The following SYN3 variants were observed in gnomAD, a reference collection of about 807,000 sequenced individuals.
SYN3 encodes the protein synapsin III.
A neutral mutation model predicts 65.8 loss-of-function variants in SYN3; 35 were observed. The ratio of observed to expected loss-of-function variants is 0.53; its 90% CI spans 0.41 to 0.70. SYN3 has a LOEUF of 0.70. SYN3 is among the 30% of genes least tolerant of loss of function. The probability of loss-of-function intolerance (pLI) is 0.00; values close to 1 mark genes in which losing one functional copy is unlikely to be tolerated. For synonymous variants in SYN3, 270 were observed against 292.9 expected, an observed-to-expected ratio of 0.92 and a Z score of 0.80; for missense variants, 680 against 749.0, an observed-to-expected ratio of 0.91 and a Z score of 1.08.
chr22:32,961,940 C>G (rs1380074896), intron 3 of SYN3, among the ~76,000 whole-genome samples: 1 of 152,052 alleles, frequency 6.6e-6, no homozygotes, highest in African/African-American at 2.4e-5. Context: ...TTGAAGTCCC[C>G]CAGGTAACAG....
At chr22:32,783,476 C>T (rs929785756) in intron 6 of SYN3, among the ~76,000 whole-genome samples, 4 of 152,156 alleles carry the variant, frequency 2.6e-5, no homozygotes, top group Non-Finnish European at 4.4e-5. Context: ...TTTTAAAATG[C>T]GGCATGAACC....
At chr22:33,044,919 C>T (rs545350474) in intron 1 of SYN3, among the ~76,000 whole-genome samples, 70 of 151,484 alleles carry the variant, frequency 4.6e-4, no homozygotes, top group Admixed American at 1.1e-3. Flanking sequence ...CTCGGCTCAC[C>T]ACAACCTCTG....
intron 6 of SYN3, among the ~76,000 whole-genome samples, chr22:32,636,884 G>GT (rs892363039): frequency 1.3e-5 from 2 of 152,106 alleles, no homozygotes; most frequent in Admixed American, 1.3e-4. Context: ...GTGGCTTTCA[G>GT]TTTTTTCTTT....
chr22:32,974,644 TTG>T (rs150999284), intron 3 of SYN3, among the ~76,000 whole-genome samples: 51 of 150,318 alleles, frequency 3.4e-4, no homozygotes, highest in South Asian at 6.3e-4. Flanking sequence ...CTCACTAGCA[TTG>T]TGTGTGTGTG....
chr22:33,040,678 T>C (rs768046060), intron 1 of SYN3, among the ~76,000 whole-genome samples: 11 of 152,206 alleles, frequency 7.2e-5, no homozygotes, highest in East Asian at 1.9e-4. Context: ...GTGGACGTAA[T>C]TGAATCATGG....
chr22:32,668,382 C>T (rs946191768), intron 6 of SYN3, among the ~76,000 whole-genome samples: 16 of 149,778 alleles, frequency 1.1e-4, no homozygotes, highest in Non-Finnish European at 2.2e-4. Context: ...CACTCCTTTC[C>T]CCTTCTCTTT....
chr22:32,735,077 C>T lies in SYN3; in HGVS notation c.711+129838G>A, dbSNP rs569820380. On this transcript the variant is annotated intron_variant, in intron 6 of 13. Transcript: ENST00000358763. ...GTGAGAGGTGGTTACACTCCATCTG[C>T]CTCCACTGCCACCAATGGGTTCTTC... 1.3e-4 allele frequency among the ~76,000 whole-genome samples: 20 copies of T among 152,296 alleles called. No individual in the cohort carries two copies. In the East Asian group the frequency reaches 1.9e-3, roughly 15 times the overall value.
intron 7 of SYN3, among the ~76,000 whole-genome samples, chr22:32,556,803 G>GTTTTTTTT (rs1491135400): frequency 0.058 from 2,029 of 35,140 alleles, 515 homozygotes; most frequent in Non-Finnish European, 0.079. Context: ...TAGGTTTCCT[G>GTTTTTTTT]GTTTTTTTTT....
chr22:32,707,240 C>T lies in SYN3; in HGVS notation c.712-110504G>A, dbSNP rs576513590. The stretch of plus-strand genomic sequence containing the variant: ...GATGCAAGCTTAGAGGATACATGAG[C>T]GGATGTGGACATGTTTCCTAGCCTC... On this transcript the variant is annotated intron_variant, in intron 6 of 13. Transcript: ENST00000358763. Among the ~76,000 whole-genome samples, 116 of 152,308 alleles carry T rather than the reference C, an allele frequency of 7.6e-4. 1 individual carries two copies. Among genetic ancestry groups the T allele is most frequent in the South Asian group, 1.9e-3 (9 of 4,824 alleles).
At position 32,538,506 on chromosome 22, in the gene SYN3, G is replaced by C. The variant is rs571424528; in HGVS notation, c.918-396C>G. On this transcript the variant is annotated intron_variant, in intron 8 of 13. Coordinates refer to ENST00000358763, the MANE Select transcript of SYN3 (RefSeq NM_003490.4). ...AGAAAAGTGATCCTTAGAGAGAAGT[G>C]ACTACTTTTCTCTGGTGAAGATTAG... is the stretch of plus-strand genomic sequence containing the variant. Among the ~76,000 whole-genome samples, 881 of 152,206 alleles carry C rather than the reference G, an allele frequency of 5.8e-3. 10 individuals are homozygous for C. Among genetic ancestry groups the C allele is most frequent in the African/African-American group, 0.02 (848 of 41,518 alleles).
At position 32,684,703 on chromosome 22, in the gene SYN3, A is replaced by C. The variant is rs913239897; in HGVS notation, c.712-87967T>G. ...AATGCCTTGGATGTTTTTTACATTC[A>C]TGGCTTTTTAACTGTCACTGCTACA... On this transcript the variant is annotated intron_variant, in intron 6 of 13. Coordinates refer to ENST00000358763, the MANE Select transcript of SYN3 (RefSeq NM_003490.4). 6.6e-5 allele frequency among the ~76,000 whole-genome samples: 10 copies of C among 152,306 alleles called. No homozygotes were observed. The East Asian group carries it at 1.9e-3, about 29-fold the overall frequency.
chr22:32,604,477 A>AGAT (rs1207474037), intron 6 of SYN3, among the ~76,000 whole-genome samples: 4 of 150,712 alleles, frequency 2.7e-5, no homozygotes, highest in East Asian at 3.9e-4. Flanking sequence ...TGTTTCCCTG[A>AGAT]GATACCCTCC....
At chr22:32,875,845 T>C (rs1017974350) in intron 4 of SYN3, among the ~76,000 whole-genome samples, 3 of 152,194 alleles carry the variant, frequency 2.0e-5, no homozygotes, top group Non-Finnish European at 4.4e-5. Flanking sequence ...GTCCCCAGAA[T>C]GATGGGAGAA....
In SYN3 at chr22:32,511,758, G is replaced by A. The variant is rs1266044902; in HGVS notation, c.*1934C>T. On this transcript the variant is annotated 3_prime_UTR_variant, in exon 14 of 14. Coordinates refer to ENST00000358763, the MANE Select transcript of SYN3 (RefSeq NM_003490.4). Reference sequence around the variant, plus strand: ...AGCTGCCAAATTATGGCTCCCAATAGTCACTGGCAATTGGACCTATCTGAT... The same window carrying A: ...AGCTGCCAAATTATGGCTCCCAATAATCACTGGCAATTGGACCTATCTGAT... 6.6e-6 allele frequency among the ~76,000 whole-genome samples: 1 copy of A among 152,212 alleles called. No homozygotes were observed. The highest frequency in any genetic ancestry group is 1.5e-5 in the Non-Finnish European group (1 of 68,046).
chr22:32,527,220 T>C (rs2057992937), intron 12 of SYN3, among the ~76,000 whole-genome samples: 1 of 152,206 alleles, frequency 6.6e-6, no homozygotes, highest in Admixed American at 6.5e-5. Context: ...GCACCACTCA[T>C]TGAAATGAAT....
At chr22:32,739,371 C>T (rs554215248) in intron 6 of SYN3, among the ~76,000 whole-genome samples, 2 of 57,666 alleles carry the variant, frequency 3.5e-5, no homozygotes, top group Admixed American at 2.6e-4. Context: ...TCCATTAAAC[C>T]CCCCCTTTTT....
intron 6 of SYN3, among the ~76,000 whole-genome samples, chr22:32,682,069 G>GT (rs2060530454): frequency 1.3e-4 from 19 of 151,962 alleles, no homozygotes; most frequent in Non-Finnish European, 1.9e-4. Flanking sequence ...GGGAGATGAG[G>GT]GGCAGCAGGG....
chr22:33,031,016 T>TA (rs550157397), intron 1 of SYN3, among the ~76,000 whole-genome samples: 1 of 151,830 alleles, frequency 6.6e-6, no homozygotes, highest in Non-Finnish European at 1.5e-5. Context: ...GATAGAGACA[T>TA]AGAGAGCCAG....
chr22:32,816,479 T>C lies in SYN3; in HGVS notation c.711+48436A>G, dbSNP rs183542820. Among the ~76,000 whole-genome samples, 906 of 152,332 alleles carry C rather than the reference T, an allele frequency of 5.9e-3. 1 individual carries two copies. Among genetic ancestry groups the C allele is most frequent in the Non-Finnish European group, 8.4e-3 (570 of 68,036 alleles). ...TCTTCCTGCAGGCTGGAGACCTCTG[T>C]TACCTTTACTTCTCTACTTTTGTTG... On this transcript the variant is annotated intron_variant, in intron 6 of 13. Coordinates refer to ENST00000358763, the MANE Select transcript of SYN3 (RefSeq NM_003490.4).
Sources: gnomAD v4.1 joint callset for allele counts (sites outside exome capture counted in the v4.1 genomes callset) on GRCh38, gnomAD v4.1.1 for gene constraint, MANE v1.5 for transcripts, NCBI Gene and HGNC (gene_info 2026-07-23, HGNC 2026-07-21) for gene names.